The following SLC24A2 variants were observed in gnomAD, a reference collection of about 807,000 sequenced individuals.
SLC24A2 encodes the protein solute carrier family 24 member 2.
In SLC24A2, 36 loss-of-function variants were observed where a neutral mutation model predicts 62.0. That is an observed-to-expected ratio of 0.58 (90% CI 0.44 to 0.77). The LOEUF is 0.77. SLC24A2 is among the 30% of genes least tolerant of loss of function. SLC24A2 has a pLI of 0.00. For missense variants in SLC24A2, 846 were observed against 817.9 expected (o/e 1.03, Z -0.42); for synonymous variants, 358 against 294.0 (o/e 1.22, Z -2.23).
chr9:20,054,737 T>C, the SLC24A2 span, among the ~76,000 whole-genome samples: 1 of 152,184 alleles, frequency 6.6e-6, no homozygotes, highest in South Asian at 2.1e-4. Context: ...AAATCTCCAA[T>C]TGCACTGCAC....
the SLC24A2 span, among the ~76,000 whole-genome samples, chr9:20,024,280 C>G: frequency 6.6e-6 from 1 of 152,158 alleles, no homozygotes; most frequent in Non-Finnish European, 1.5e-5. Flanking sequence ...AAGCACAGAC[C>G]TGGAAAGTGA....
chr9:19,752,347 A>G (rs1214966825), intron 2 of SLC24A2, among the ~76,000 whole-genome samples: 4 of 152,108 alleles, frequency 2.6e-5, no homozygotes, highest in Admixed American at 2.0e-4. Flanking sequence ...GAGGTGATGG[A>G]CAGATCAATT....
intron 2 of SLC24A2, among the ~76,000 whole-genome samples, chr9:19,735,716 G>C (rs1203376898): frequency 6.6e-6 from 1 of 152,138 alleles, no homozygotes; most frequent in African/African-American, 2.4e-5. Context: ...TAGGGACATG[G>C]ATGAAGCTGG....
the SLC24A2 span, among the ~76,000 whole-genome samples, chr9:20,151,095 T>G: frequency 1.3e-5 from 2 of 151,888 alleles, no homozygotes; most frequent in African/African-American, 2.4e-5. Context: ...GCGAAGAAAC[T>G]CCCCACTTTC....
chr9:19,579,363 G>C (rs920753718), intron 5 of SLC24A2, among the ~76,000 whole-genome samples: 4 of 152,190 alleles, frequency 2.6e-5, no homozygotes, highest in Admixed American at 1.3e-4. Context: ...TAGATAAACA[G>C]ATAATAAGAG....
chr9:20,201,656 C>T, the SLC24A2 span, among the ~76,000 whole-genome samples: 1 of 152,122 alleles, frequency 6.6e-6, no homozygotes, highest in Non-Finnish European at 1.5e-5. Flanking sequence ...ACAAAGAGTC[C>T]TTTTATTTTT....
the SLC24A2 span, among the ~76,000 whole-genome samples, chr9:19,973,261 G>A: frequency 4.6e-5 from 7 of 152,268 alleles, no homozygotes; most frequent in Admixed American, 2.0e-4. Context: ...GCATTTATCC[G>A]GGACATGATT....
chr9:19,547,215 G>C (rs1048583789), intron 8 of SLC24A2, among the ~76,000 whole-genome samples: 3 of 152,112 alleles, frequency 2.0e-5, no homozygotes, highest in African/African-American at 7.2e-5. Context: ...ATTTCTGCTT[G>C]GAATAGCACA....
At chr9:20,074,913 G>A in the SLC24A2 span, among the ~76,000 whole-genome samples, 1 of 152,016 alleles carries the variant, frequency 6.6e-6, no homozygotes, top group East Asian at 1.9e-4. Context: ...GAGCTACAGG[G>A]GCTATGGCTT....
chr9:20,290,619 C>T, the SLC24A2 span, among the ~76,000 whole-genome samples: 1 of 152,320 alleles, frequency 6.6e-6, no homozygotes, highest in East Asian at 1.9e-4. Flanking sequence ...GACGCCACCA[C>T]CTGCAGCTCC....
the SLC24A2 span, among the ~76,000 whole-genome samples, chr9:19,882,731 A>T: frequency 6.6e-6 from 1 of 152,160 alleles, no homozygotes. Flanking sequence ...ACACTTTCTA[A>T]AGATATATAA....
At chr9:20,116,320 C>G in the SLC24A2 span, among the ~76,000 whole-genome samples, 1 of 152,140 alleles carries the variant, frequency 6.6e-6, no homozygotes, top group East Asian at 1.9e-4. Context: ...TTCCTCTTCT[C>G]TGAATGCCTG....
At chr9:19,734,602 A>G (rs1050241712) in intron 2 of SLC24A2, among the ~76,000 whole-genome samples, 2 of 152,152 alleles carry the variant, frequency 1.3e-5, no homozygotes, top group Admixed American at 1.3e-4. Flanking sequence ...GGTCCTTCAC[A>G]TCCCTTGTAA....
chr9:19,566,222 A>G (rs201485617), intron 7 of SLC24A2, among the ~76,000 whole-genome samples: 1 of 150,578 alleles, frequency 6.6e-6, no homozygotes, highest in African/African-American at 2.4e-5. Flanking sequence ...CTCATCTGAC[A>G]AAGGGCTAAT....
intron 2 of SLC24A2, among the ~76,000 whole-genome samples, chr9:19,772,613 G>A (rs1445535302): frequency 1.3e-5 from 2 of 152,114 alleles, no homozygotes; most frequent in Admixed American, 6.6e-5. Flanking sequence ...TAAGTCCAAC[G>A]TTATCATTAA....
chr9:20,090,619 G>A, the SLC24A2 span, among the ~76,000 whole-genome samples: 4 of 149,936 alleles, frequency 2.7e-5, no homozygotes, highest in South Asian at 4.2e-4. Flanking sequence ...CCCAACCCCC[G>A]CCGTGAAACC....
At chr9:20,122,684 T>G in the SLC24A2 span, among the ~76,000 whole-genome samples, 32 of 152,128 alleles carry the variant, frequency 2.1e-4, 1 homozygote, top group Admixed American at 2.0e-3. Context: ...AGACTCTGTC[T>G]CGAAAAAACA....
chr9:19,534,025 A>C (rs1833834878), intron 8 of SLC24A2, among the ~76,000 whole-genome samples: 1 of 152,110 alleles, frequency 6.6e-6, no homozygotes, highest in Non-Finnish European at 1.5e-5. Flanking sequence ...TTTGATGGTT[A>C]TCTCATGCTT....
the SLC24A2 span, among the ~76,000 whole-genome samples, chr9:19,802,808 G>A: frequency 1.3e-5 from 2 of 152,210 alleles, no homozygotes; most frequent in South Asian, 4.1e-4. Flanking sequence ...GCTATGGTCT[G>A]AATGTGTGTG....
Sources: allele counts gnomAD v4.1 joint callset (sites outside exome capture counted in the v4.1 genomes callset), GRCh38; gene constraint gnomAD v4.1.1; transcripts MANE v1.5; gene names NCBI Gene and HGNC (gene_info 2026-07-23, HGNC 2026-07-21).